VWA8: variants seen among roughly 807,000 people sequenced by gnomAD.
VWA8 encodes the protein von Willebrand factor A domain containing 8.
VWA8 carries 221 observed loss-of-function variants against 241.5 expected under a neutral mutation model. That is an observed-to-expected ratio of 0.91 (90% CI 0.82 to 1.02). The LOEUF (loss-of-function observed/expected upper bound fraction) is 1.02, where lower values mean the gene tolerates loss of function less well. Among genes scored for constraint, VWA8 ranks in the 50% least tolerant of loss-of-function variants. The pLI, the probability that VWA8 is intolerant of heterozygous loss-of-function variation, is 0.00. For synonymous variants in VWA8, 852 were observed against 827.1 expected, an observed-to-expected ratio of 1.03 and a Z score of -0.52; for missense variants, 2,322 against 2,328.7, an observed-to-expected ratio of 1.00 and a Z score of 0.06.
chr13:41,717,837 G>A (rs778029598), intron 26 of VWA8, among the ~76,000 whole-genome samples: 2 of 152,016 alleles, frequency 1.3e-5, no homozygotes, highest in Non-Finnish European at 2.9e-5. Flanking sequence ...TCTATTTCTA[G>A]CTATATGCGG....
At chr13:41,736,844 C>CTTTTTTT (rs5803100) in intron 21 of VWA8, among the ~76,000 whole-genome samples, 11 of 128,484 alleles carry the variant, frequency 8.6e-5, no homozygotes, top group Non-Finnish European at 1.8e-4. Context: ...TTTTTCTTTT[C>CTTTTTTT]TTTTTTTTTT....
In VWA8 at chr13:41,573,430, G is replaced by A. The variant is rs140061225; in HGVS notation, c.5370+2310C>T. On this transcript the variant is annotated intron_variant, in intron 43 of 44. Transcript: ENST00000379310. ...AAGACTCCATCTCAAAACAAACAAA[G>A]AATAAGACCTAGTGTTAGCTAGCAC... is the stretch of plus-strand genomic sequence containing the variant. Among the ~76,000 whole-genome samples the A allele has an allele frequency of 1.0e-4, 12 of 119,892 alleles. No individual in the cohort carries two copies. In the East Asian group the frequency reaches 2.9e-3, roughly 29 times the overall value. 78.7% of individuals were successfully genotyped at this position (119,892 alleles called of 152,430 possible).
intron 12 of VWA8, 92 bp from the exon 13 acceptor site, chr13:41,833,623 C>T (rs9315868): frequency 0.3 from 399,293 of 1,332,180 alleles, 62,525 homozygotes; most frequent in Non-Finnish European, 0.32. Context: ...GAGTCACCTC[C>T]GTCTGAACTT....
intron 2 of VWA8, among the ~76,000 whole-genome samples, chr13:41,918,587 ATT>A (rs1156934320): frequency 1.3e-5 from 2 of 152,172 alleles, no homozygotes; most frequent in Non-Finnish European, 2.9e-5. Context: ...ATCTTTTTAT[ATT>A]GTTTTGATTT....
intron 25 of VWA8, among the ~76,000 whole-genome samples, chr13:41,720,683 T>C (rs576561944): frequency 6.6e-6 from 1 of 152,300 alleles, no homozygotes; most frequent in East Asian, 1.9e-4. Flanking sequence ...TGGATCAACA[T>C]CTTCCCCTGT....
chr13:41,740,916 A>G (rs1360532205), intron 21 of VWA8, among the ~76,000 whole-genome samples: 1 of 152,192 alleles, frequency 6.6e-6, no homozygotes, highest in East Asian at 1.9e-4. Context: ...TTAGAAAAAA[A>G]CAGGCATGTT....
intron 37 of VWA8, among the ~76,000 whole-genome samples, chr13:41,649,572 A>G (rs183173971): frequency 9.7e-5 from 14 of 144,198 alleles, no homozygotes; most frequent in African/African-American, 3.5e-4. Context: ...AGATTTTTCC[A>G]TTAGTATTTT....
At chr13:41,804,218 C>CA (rs1295371963) in intron 17 of VWA8, among the ~76,000 whole-genome samples, 1 of 151,858 alleles carries the variant, frequency 6.6e-6, no homozygotes, top group Admixed American at 6.6e-5. Flanking sequence ...AAATTTAACT[C>CA]AAAAAAGACA....
At position 41,732,830 on chromosome 13, in the gene VWA8, G is replaced by C. The variant is rs190448576; in HGVS notation, c.2427-675C>G. On this transcript the variant is annotated intron_variant, in intron 21 of 44. Coordinates refer to ENST00000379310, the MANE Select transcript of VWA8 (RefSeq NM_015058.2). ...CCTGATGTTAAGAACCTCCTTACAT[G>C]ATGAGATGTAACATTCACATCAAGT... Among the ~76,000 whole-genome samples the C allele has an allele frequency of 1.7e-3, 266 of 152,230 alleles. 2 individuals are homozygous for C. In the Middle Eastern group the frequency reaches 0.031, roughly 18 times the overall value.
At chr13:41,829,835 ACTGCTCAGGT>A (rs1179321428) in intron 14 of VWA8, among the ~76,000 whole-genome samples, 1 of 152,172 alleles carries the variant, frequency 6.6e-6, no homozygotes, top group Non-Finnish European at 1.5e-5. Flanking sequence ...TATCAGGTAC[ACTGCTCAGGT>A]GACAGGTATA....
chr13:41,864,569 A>G (rs1180231424), intron 12 of VWA8: 1 of 431,028 alleles, frequency 2.3e-6, no homozygotes, highest in African/African-American at 2.1e-5. Context: ...AAGTAAAATA[A>G]ACTAGACAAG....
intron 37 of VWA8, among the ~76,000 whole-genome samples, chr13:41,617,818 C>A (rs998625589): frequency 1.3e-5 from 2 of 151,980 alleles, no homozygotes; most frequent in Admixed American, 6.6e-5. Flanking sequence ...AGGACATGAA[C>A]TCATCATTTT....
intron 12 of VWA8, among the ~76,000 whole-genome samples, chr13:41,837,067 A>AGATAGATG (rs900191230): frequency 6.6e-6 from 1 of 151,824 alleles, no homozygotes; most frequent in African/African-American, 2.4e-5. Context: ...ATAGATAGAT[A>AGATAGATG]GATAGATAGA....
intron 2 of VWA8, among the ~76,000 whole-genome samples, chr13:41,937,846 G>T (rs1192374735): frequency 6.6e-6 from 1 of 152,018 alleles, no homozygotes; most frequent in Non-Finnish European, 1.5e-5. Context: ...GCAACAAGAG[G>T]AATTAAGCAG....
intron 38 of VWA8, among the ~76,000 whole-genome samples, chr13:41,614,110 TA>T (rs2044606383): frequency 6.6e-6 from 1 of 152,214 alleles, no homozygotes; most frequent in Non-Finnish European, 1.5e-5. Context: ...AGGACATTTC[TA>T]AAAATAGCCT....
chr13:41,656,355 T>C (rs904451899), intron 37 of VWA8, among the ~76,000 whole-genome samples: 1 of 152,194 alleles, frequency 6.6e-6, no homozygotes, highest in African/African-American at 2.4e-5. Flanking sequence ...ATGTAGGCCC[T>C]TCAACAGCTT....
Position 41,699,054 on chromosome 13 carries a change from A to T in VWA8, c.3564+17T>A. 1 of 1,613,844 alleles carries T rather than the reference A, an allele frequency of 6.2e-7. No individual in the cohort carries two copies. The highest frequency in any genetic ancestry group is 8.5e-7 in the Non-Finnish European group (1 of 1,179,776). ...TGTAAGTCATTCCTCACATAATTGT[A>T]GCCTGGTGTGCATTACCTGCTGCTC... is the stretch of plus-strand genomic sequence containing the variant. On this transcript the variant is annotated intron_variant, in intron 29 of 44. Transcript: ENST00000379310.
chr13:41,579,673 A>G (rs1390959544), intron 42 of VWA8, among the ~76,000 whole-genome samples: 2 of 152,224 alleles, frequency 1.3e-5, no homozygotes, highest in African/African-American at 2.4e-5. Flanking sequence ...AGTTTGTTAC[A>G]GTTTACAAAG....
chr13:41,765,538 T>C (rs1048732081), intron 20 of VWA8, among the ~76,000 whole-genome samples: 1 of 152,212 alleles, frequency 6.6e-6, no homozygotes, highest in Non-Finnish European at 1.5e-5. Flanking sequence ...TTGTTCCTTC[T>C]AATCACAGTT....
Sources: gnomAD v4.1 joint callset for allele counts (sites outside exome capture counted in the v4.1 genomes callset) on GRCh38, gnomAD v4.1.1 for gene constraint, MANE v1.5 for transcripts, NCBI Gene and HGNC (gene_info 2026-07-23, HGNC 2026-07-21) for gene names.